The following PXDNL variants were observed in gnomAD, a reference collection of about 807,000 sequenced individuals.
The protein encoded by PXDNL is peroxidasin like, also known as probable oxidoreductase PXDNL.
PXDNL carries 145 observed loss-of-function variants against 150.8 expected under a neutral mutation model. The ratio of observed to expected loss-of-function variants is 0.96; its 90% confidence interval spans 0.84 to 1.10. The LOEUF (loss-of-function observed/expected upper bound fraction) is 1.10, where lower values mean the gene tolerates loss of function less well. Among genes scored for constraint, PXDNL ranks in the 50% least tolerant of loss-of-function variants. The probability of loss-of-function intolerance (pLI) is 0.00; values close to 1 mark genes in which losing one functional copy is unlikely to be tolerated. For missense variants in PXDNL, 2,087 were observed against 1,873.9 expected (o/e 1.11, Z -2.10); for synonymous variants, 757 against 725.7 (o/e 1.04, Z -0.69).
At chr8:51,792,072 A>T (rs1414515621) in intron 1 of PXDNL, among the ~76,000 whole-genome samples, 1 of 152,204 alleles carries the variant, frequency 6.6e-6, no homozygotes, top group Non-Finnish European at 1.5e-5. Context: ...TAGGTGGAAA[A>T]CATTGAGTTT....
intron 2 of PXDNL, among the ~76,000 whole-genome samples, chr8:51,612,968 A>C (rs561424214): frequency 3.5e-4 from 53 of 152,296 alleles, no homozygotes; most frequent in Non-Finnish European, 5.9e-4. Context: ...TCTGTATGTC[A>C]TCTGTTTCCT....
In PXDNL at chr8:51,373,550, T is replaced by A. The variant is rs1175806816; in HGVS notation, c.3692+1047A>T. On this transcript the variant is annotated intron_variant, in intron 18 of 22. Transcript: ENST00000356297. ...GAGTCAAGAAATTCAGTGTTAAAAA[T>A]GATTTTAAAAAATTAATGAAATATA... Among the ~76,000 whole-genome samples the A allele has an allele frequency of 2.0e-5, 3 of 152,190 alleles. No homozygotes were observed. The East Asian group carries it at 5.8e-4, about 29-fold the overall frequency.
Position 51,357,504 on chromosome 8 carries a change from A to C in PXDNL, c.3902-11557T>G, listed in dbSNP as rs796696041. Among the ~76,000 whole-genome samples, 3 of 152,356 alleles carry C rather than the reference A, an allele frequency of 2.0e-5. 1 individual carries two copies. The highest frequency in any genetic ancestry group is 6.5e-5 in the Admixed American group (1 of 15,308). ...AGGTCATCTAAGCAGACAGTATCTGATGTGGCTTCTTCAGATGCATTTGCA... is the reference window on the plus strand; with the variant it reads ...AGGTCATCTAAGCAGACAGTATCTGCTGTGGCTTCTTCAGATGCATTTGCA... On this transcript the variant is annotated intron_variant, in intron 19 of 22. Coordinates refer to ENST00000356297, the MANE Select transcript of PXDNL (RefSeq NM_144651.5).
intron 1 of PXDNL, among the ~76,000 whole-genome samples, chr8:51,790,204 AGATTT>A (rs1051377582): frequency 3.9e-5 from 3 of 76,364 alleles, no homozygotes; most frequent in African/African-American, 7.7e-5. Flanking sequence ...TTTCATTAAT[AGATTT>A]TTTTTTTTTT....
intron 4 of PXDNL, among the ~76,000 whole-genome samples, chr8:51,536,823 G>A (rs756060296): frequency 3.9e-5 from 6 of 152,180 alleles, no homozygotes; most frequent in Non-Finnish European, 5.9e-5. Context: ...GTCTGAGAAA[G>A]TGATTTTTGC....
chr8:51,682,492 G>A (rs1367418671), intron 1 of PXDNL, among the ~76,000 whole-genome samples: 1 of 152,228 alleles, frequency 6.6e-6, no homozygotes, highest in South Asian at 2.1e-4. Context: ...GCAGCTCTAC[G>A]TATGCATTCA....
intron 4 of PXDNL, among the ~76,000 whole-genome samples, chr8:51,505,978 C>T (rs532806153): frequency 1.3e-5 from 2 of 152,330 alleles, no homozygotes; most frequent in Admixed American, 6.5e-5. Context: ...ATTAATTAAA[C>T]ATCTGAATGA....
rs1563400543 is a variant in PXDNL at position 51,411,368 on chromosome 8, ATGAAAT to A, written c.1938_1943del (p.Gln646_Phe647del). The A allele has an allele frequency of 2.5e-6, 4 of 1,576,704 alleles. No individual in the cohort carries two copies. The highest frequency in any genetic ancestry group is 3.4e-6 in the Non-Finnish European group (4 of 1,166,724). ...CCACAATCAGTGGGTCACGCGGGTA[ATGAAAT>A]TGAGCCAGCAGGTCACTGGAGGTGT... is the stretch of plus-strand genomic sequence containing the variant. On this transcript the variant is annotated inframe_deletion, in exon 16 of 23. Coordinates refer to ENST00000356297, the MANE Select transcript of PXDNL (RefSeq NM_144651.5).
Position 51,524,601 on chromosome 8 carries a change from G to T in PXDNL, c.381-24831C>A, listed in dbSNP as rs141535767. 7.9e-5 allele frequency among the ~76,000 whole-genome samples: 12 copies of T among 152,018 alleles called. No homozygotes were observed. In the South Asian group the frequency reaches 8.3e-4, roughly 11 times the overall value. On this transcript the variant is annotated intron_variant, in intron 4 of 22. Coordinates refer to ENST00000356297, the MANE Select transcript of PXDNL (RefSeq NM_144651.5). ...ATAAAATTCAGTTTTTATTTTAGAT[G>T]TGAAACTTTTCTTATGATGCCACCA...
intron 2 of PXDNL, among the ~76,000 whole-genome samples, chr8:51,651,253 C>A (rs771759934): frequency 6.6e-6 from 1 of 152,064 alleles, no homozygotes; most frequent in East Asian, 1.9e-4. Flanking sequence ...GGAAGCGATT[C>A]GGCCAAATTA....
At position 51,499,687 on chromosome 8, in the gene PXDNL, G is replaced by A. The variant is rs1389242561; in HGVS notation, c.452+12C>T. 3 of 1,583,714 alleles carry A rather than the reference G, an allele frequency of 1.9e-6. No individual in the cohort carries two copies. In the South Asian group the frequency reaches 3.3e-5, roughly 18 times the overall value. On this transcript the variant is annotated intron_variant, in intron 5 of 22. Transcript: ENST00000356297. The stretch of plus-strand genomic sequence containing the variant: ...AGCAGAAGCAAAGGACATCTAAAGG[G>A]TCAACACTTACAGTCGCTCTAATCT...
At chr8:51,624,135 A>G (rs567320963) in intron 2 of PXDNL, among the ~76,000 whole-genome samples, 33 of 148,238 alleles carry the variant, frequency 2.2e-4, no homozygotes, top group African/African-American at 7.8e-4. Flanking sequence ...CCACACAGGT[A>G]AAATACCTCC....
intron 2 of PXDNL, among the ~76,000 whole-genome samples, chr8:51,603,531 T>C (rs766290495): frequency 1.3e-5 from 2 of 152,066 alleles, no homozygotes; most frequent in Admixed American, 6.6e-5. Context: ...ACTTTTTGAA[T>C]ATAGGATATT....
intron 12 of PXDNL, among the ~76,000 whole-genome samples, chr8:51,439,346 G>A (rs1441069892): frequency 6.6e-6 from 1 of 152,144 alleles, no homozygotes; most frequent in Non-Finnish European, 1.5e-5. Context: ...CAAATGATCA[G>A]AGAGATGCAA....
intron 5 of PXDNL, among the ~76,000 whole-genome samples, chr8:51,492,345 C>T (rs1371329329): frequency 6.6e-6 from 1 of 152,116 alleles, no homozygotes; most frequent in African/African-American, 2.4e-5. Context: ...GTCTACAGTT[C>T]CCAGCATGAG....
At chr8:51,665,842 AT>A (rs1815373722) in intron 1 of PXDNL, among the ~76,000 whole-genome samples, 1 of 152,206 alleles carries the variant, frequency 6.6e-6, no homozygotes, top group South Asian at 2.1e-4. Context: ...TCAGATCTCC[AT>A]ACACCAACCA....
chr8:51,580,822 T>A (rs1266637926), intron 3 of PXDNL, among the ~76,000 whole-genome samples: 1 of 152,086 alleles, frequency 6.6e-6, no homozygotes, highest in Non-Finnish European at 1.5e-5. Context: ...GAGAAATAAC[T>A]CTGGTTGGGG....
chr8:51,605,679 G>A (rs999276119), intron 2 of PXDNL, among the ~76,000 whole-genome samples: 8 of 152,142 alleles, frequency 5.3e-5, no homozygotes, highest in African/African-American at 1.9e-4. Flanking sequence ...ATTTGAATGT[G>A]TCCCCCAAAA....
At chr8:51,744,942 AAG>A (rs1190346018) in intron 1 of PXDNL, among the ~76,000 whole-genome samples, 523 of 6,828 alleles carry the variant, frequency 0.077, 25 homozygotes, top group East Asian at 0.5. Flanking sequence ...GAAAGAAAGA[AAG>A]AAAGAAAGAA....
Sources: allele counts gnomAD v4.1 joint callset (sites outside exome capture counted in the v4.1 genomes callset), GRCh38; gene constraint gnomAD v4.1.1; transcripts MANE v1.5; gene names NCBI Gene and HGNC (gene_info 2026-07-23, HGNC 2026-07-21).